The following LRMDA variants were observed in gnomAD, a reference collection of about 807,000 sequenced individuals.
The protein encoded by LRMDA is leucine rich melanocyte differentiation associated.
A neutral mutation model predicts 29.8 loss-of-function variants in LRMDA; 18 were observed. The observed-to-expected ratio is 0.60, with a 90% CI of 0.42 to 0.90. LRMDA has a LOEUF of 0.90. Among genes scored for constraint, LRMDA ranks in the 40% least tolerant of loss-of-function variants. LRMDA has a pLI of 0.00. For missense variants in LRMDA, 273 were observed against 273.9 expected (o/e 1.00, Z 0.02); for synonymous variants, 125 against 109.4 (o/e 1.14, Z -0.89).
intron 2 of LRMDA, among the ~76,000 whole-genome samples, chr10:75,683,655 C>T (rs905958134): frequency 8.5e-5 from 13 of 152,158 alleles, no homozygotes; most frequent in African/African-American, 2.9e-4. Context: ...CTTTCCTTTA[C>T]CTTACCTGAA....
At chr10:76,340,732 A>G (rs1407530548) in intron 6 of LRMDA, among the ~76,000 whole-genome samples, 1 of 152,096 alleles carries the variant, frequency 6.6e-6, no homozygotes, top group Non-Finnish European at 1.5e-5. Flanking sequence ...ACTATTCTAC[A>G]TTCCCTTGGA....
At chr10:76,139,084 A>G (rs992921178) in intron 5 of LRMDA, among the ~76,000 whole-genome samples, 1 of 152,194 alleles carries the variant, frequency 6.6e-6, no homozygotes. Flanking sequence ...GCCAAATTAG[A>G]AAAAGCTCTG....
intron 6 of LRMDA, among the ~76,000 whole-genome samples, chr10:76,465,897 A>G (rs939868103): frequency 1.3e-5 from 2 of 151,918 alleles, no homozygotes; most frequent in African/African-American, 4.8e-5. Flanking sequence ...CTGTGCCCCA[A>G]TCTTTTCTTA....
In LRMDA at chr10:76,263,273, T is replaced by A. The variant is rs554958263; in HGVS notation, c.517-61128T>A. On this transcript the variant is annotated intron_variant, in intron 5 of 6. Transcript: ENST00000611255. ...CCACAAAAGGAACTTCTAACAAACT[T>A]TTTTTTTTAAAAAAAGATCATCTGT... Among the ~76,000 whole-genome samples the A allele has an allele frequency of 5.4e-5, 8 of 148,448 alleles. No homozygotes were observed. In the South Asian group the frequency reaches 1.7e-3, roughly 31 times the overall value.
intron 6 of LRMDA, among the ~76,000 whole-genome samples, chr10:76,473,243 A>G (rs1321238976): frequency 6.6e-6 from 1 of 151,588 alleles, no homozygotes; most frequent in East Asian, 1.9e-4. Flanking sequence ...TATCAGAAGA[A>G]TAAAGGACAA....
At chr10:76,352,272 G>A (rs1841186561) in intron 6 of LRMDA, among the ~76,000 whole-genome samples, 1 of 152,068 alleles carries the variant, frequency 6.6e-6, no homozygotes, top group African/African-American at 2.4e-5. Context: ...CTGTGGTAAA[G>A]TTTAGTATAA....
chr10:76,179,246 T>G (rs1299209403), intron 5 of LRMDA, among the ~76,000 whole-genome samples: 1 of 151,206 alleles, frequency 6.6e-6, no homozygotes, highest in Non-Finnish European at 1.5e-5. Context: ...GAGGGGGGGG[T>G]GGTGGAGGAG....
At chr10:75,677,643 GTTCTTAT>G (rs1841976960) in intron 2 of LRMDA, among the ~76,000 whole-genome samples, 1 of 152,132 alleles carries the variant, frequency 6.6e-6, no homozygotes, top group East Asian at 1.9e-4. Context: ...CACACCGGTT[GTTCTTAT>G]TTCTTGTTTT....
chr10:76,037,820 T>C (rs1455348767), intron 3 of LRMDA, among the ~76,000 whole-genome samples: 1 of 152,200 alleles, frequency 6.6e-6, no homozygotes, highest in Non-Finnish European at 1.5e-5. Context: ...TTTCAACATA[T>C]GAATTTGAGG....
chr10:75,704,844 C>T (rs1228485574), intron 2 of LRMDA, among the ~76,000 whole-genome samples: 1 of 152,054 alleles, frequency 6.6e-6, no homozygotes, highest in African/African-American at 2.4e-5. Context: ...GTAAACTGAA[C>T]TGGTTTATTG....
At chr10:75,589,678 C>T (rs754307619) in intron 2 of LRMDA, among the ~76,000 whole-genome samples, 4 of 151,944 alleles carry the variant, frequency 2.6e-5, no homozygotes, top group Non-Finnish European at 5.9e-5. Flanking sequence ...GTGGGAGGAT[C>T]TCTTGAGCCC....
intron 2 of LRMDA, among the ~76,000 whole-genome samples, chr10:75,855,532 G>A (rs1844810495): frequency 6.6e-6 from 1 of 152,174 alleles, no homozygotes; most frequent in African/African-American, 2.4e-5. Context: ...CACTCTGATG[G>A]TAGTTCCTTT....
intron 2 of LRMDA, among the ~76,000 whole-genome samples, chr10:75,535,662 C>G (rs1839936701): frequency 6.6e-6 from 1 of 152,060 alleles, no homozygotes; most frequent in Admixed American, 6.6e-5. Context: ...CTTTATTATT[C>G]AAGGTTTTCA....
chr10:76,333,370 TG>T (rs1429031012), intron 6 of LRMDA, among the ~76,000 whole-genome samples: 1 of 152,140 alleles, frequency 6.6e-6, no homozygotes, highest in Non-Finnish European at 1.5e-5. Flanking sequence ...GGGATGGGAT[TG>T]GAAGGAAATT....
intron 2 of LRMDA, among the ~76,000 whole-genome samples, chr10:75,775,105 G>C (rs1032368360): frequency 6.6e-6 from 1 of 152,184 alleles, no homozygotes; most frequent in Non-Finnish European, 1.5e-5. Context: ...AGATTTTGTG[G>C]GGCCTTCCTG....
In LRMDA at chr10:76,393,783, C is replaced by T. The variant is rs80288862; in HGVS notation, c.601+69298C>T. Among the ~76,000 whole-genome samples the T allele has an allele frequency of 5.4e-3, 815 of 152,214 alleles. 4 individuals are homozygous for T. The highest frequency in any genetic ancestry group is 0.019 in the African/African-American group (776 of 41,538). ...CCCCTATGTTTCCTTCTAGTGGTTT[C>T]GCTGCTTCAGGTCTTATGTTGAAGT... On this transcript the variant is annotated intron_variant, in intron 6 of 6. Transcript: ENST00000611255.
At chr10:75,943,900 T>C (rs1846435951) in intron 2 of LRMDA, among the ~76,000 whole-genome samples, 1 of 152,224 alleles carries the variant, frequency 6.6e-6, no homozygotes, top group Admixed American at 6.5e-5. Context: ...CATACACTTA[T>C]AATCATGTAC....
At chr10:76,524,872 AT>A (rs911505999) in intron 6 of LRMDA, among the ~76,000 whole-genome samples, 6 of 152,040 alleles carry the variant, frequency 3.9e-5, no homozygotes, top group African/African-American at 1.4e-4. Context: ...TCAGCTTTTC[AT>A]TTTTTTTCCT....
chr10:76,171,630 G>C (rs530882067), intron 5 of LRMDA, among the ~76,000 whole-genome samples: 1 of 152,168 alleles, frequency 6.6e-6, no homozygotes, highest in South Asian at 2.1e-4. Context: ...GATTTGAAAC[G>C]TAACCACAGC....
Sources: allele counts gnomAD v4.1 joint callset (sites outside exome capture counted in the v4.1 genomes callset), GRCh38; gene constraint gnomAD v4.1.1; transcripts MANE v1.5; gene names NCBI Gene and HGNC (gene_info 2026-07-23, HGNC 2026-07-21).